The following TET3 variants were observed in gnomAD, a reference collection of about 807,000 sequenced individuals.
TET3 encodes the protein tet methylcytosine dioxygenase 3.
Under a neutral mutation model 141.4 loss-of-function variants are expected in TET3, and 19 were observed. The observed-to-expected ratio is 0.13, with a 90% CI of 0.09 to 0.20. The LOEUF (loss-of-function observed/expected upper bound fraction) is 0.20, where lower values mean the gene tolerates loss of function less well. TET3 is among the 10% of genes least tolerant of loss of function. The pLI is 1.00. For missense variants in TET3, 1,874 were observed against 2,356.9 expected, an observed-to-expected ratio of 0.80 and a Z score of 4.24; for synonymous variants, 1,043 against 980.9, an observed-to-expected ratio of 1.06 and a Z score of -1.18.
downstream of TET3, among the ~76,000 whole-genome samples, chr2:74,109,534 C>A (rs1307741846): frequency 6.6e-6 from 1 of 152,206 alleles, no homozygotes; most frequent in African/African-American, 2.4e-5. Context: ...AACTCTTTAA[C>A]ATCCCAAGTT....
At chr2:74,033,492 C>T (rs1347757253) in intron 3 of TET3, among the ~76,000 whole-genome samples, 2 of 152,122 alleles carry the variant, frequency 1.3e-5, no homozygotes, top group Non-Finnish European at 2.9e-5. Context: ...GTTTTATGTT[C>T]TTATTCCATA....
intron 6 of TET3, among the ~76,000 whole-genome samples, chr2:74,081,100 C>A (rs1020374139): frequency 6.6e-6 from 1 of 152,206 alleles, no homozygotes; most frequent in African/African-American, 2.4e-5. Flanking sequence ...GGCCAGGGCT[C>A]TGGGCAGCAC....
At chr2:74,035,473 A>G (rs1292512241) in intron 3 of TET3, among the ~76,000 whole-genome samples, 2 of 147,322 alleles carry the variant, frequency 1.4e-5, no homozygotes, top group African/African-American at 5.1e-5. Flanking sequence ...CAAAAAGAAA[A>G]AAAAAAATGT....
chr2:74,082,260 G>A (rs1689876879), intron 6 of TET3, among the ~76,000 whole-genome samples: 1 of 152,208 alleles, frequency 6.6e-6, no homozygotes, highest in African/African-American at 2.4e-5. Context: ...CAGGGCTCGT[G>A]TGGCCCCACT....
At chr2:74,070,821 A>T (rs1689163472) in intron 4 of TET3, among the ~76,000 whole-genome samples, 1 of 152,132 alleles carries the variant, frequency 6.6e-6, no homozygotes, top group Non-Finnish European at 1.5e-5. Context: ...AAAAAAATAG[A>T]AAAATTTGCC....
chr2:74,058,913 T>C (rs116795458), intron 4 of TET3, among the ~76,000 whole-genome samples: 150 of 152,332 alleles, frequency 9.8e-4, no homozygotes, highest in African/African-American at 3.4e-3. Flanking sequence ...CATGAAAATA[T>C]CAGAGTCTGT....
At chr2:74,024,879 G>C (rs1293214315) in intron 3 of TET3, among the ~76,000 whole-genome samples, 1 of 152,076 alleles carries the variant, frequency 6.6e-6, no homozygotes, top group East Asian at 1.9e-4. Context: ...TACTACATTT[G>C]CTTTATCCTT....
chr2:74,127,568 A>T, the TET3 span, among the ~76,000 whole-genome samples: 1 of 152,214 alleles, frequency 6.6e-6, no homozygotes, highest in South Asian at 2.1e-4. Flanking sequence ...ATCCTATATC[A>T]GATGATGAAC....
rs1573782118 is a variant in TET3 at position 74,047,620 on chromosome 2, C to T, written c.1703C>T (p.Pro568Leu). The change falls in exon 4 of 12, where the codon CCA becomes CTA. Residue 568 changes from proline (P) to leucine (L), a missense_variant. By Grantham distance (98) the Pro-to-Leu change is moderately conservative. This residue lies in a region of TET3 where 484 missense variants were observed against 462.2 expected (regional missense o/e 1.05). Transcript: ENST00000409262. Reference protein sequence around the residue: ...GWWPPPSSPVPRLPDRPPKEK... With the variant: ...GWWPPPSSPVLRLPDRPPKEK... ...TGGCCCCCACCAAGTTCACCTGTCC[C>T]ACGGCTTCCAGACAGACCACCCAAG... 1 of 1,613,698 alleles carries T rather than the reference C, an allele frequency of 6.2e-7. No individual in the cohort carries two copies. The highest frequency in any genetic ancestry group is 2.2e-5 in the East Asian group (1 of 44,858).
chr2:74,120,577 G>A, the TET3 span: 2 of 152,518 alleles, frequency 1.3e-5, no homozygotes, highest in African/African-American at 4.8e-5. Flanking sequence ...GGAGGGACCG[G>A]AAGGAGGAGC....
downstream of TET3, among the ~76,000 whole-genome samples, chr2:74,112,191 C>T (rs139681586): frequency 3.3e-5 from 5 of 152,182 alleles, no homozygotes; most frequent in African/African-American, 9.6e-5. Context: ...TGCCGCAGGG[C>T]CCCACAGGAC....
At chr2:74,080,096 T>C (rs1393918380) in intron 5 of TET3, among the ~76,000 whole-genome samples, 2 of 152,240 alleles carry the variant, frequency 1.3e-5, no homozygotes, top group Non-Finnish European at 2.9e-5. Context: ...GTTCCCCCAT[T>C]TATTTCATTT....
intron 3 of TET3, among the ~76,000 whole-genome samples, chr2:74,028,588 T>G (rs1484589482): frequency 6.6e-6 from 1 of 152,224 alleles, no homozygotes; most frequent in Non-Finnish European, 1.5e-5. Flanking sequence ...CTTAGTGTCT[T>G]CTCACTGTTT....
chr2:74,020,181 C>T (rs757611638), intron 3 of TET3, among the ~76,000 whole-genome samples: 66 of 152,218 alleles, frequency 4.3e-4, no homozygotes, highest in Non-Finnish European at 1.3e-4. Flanking sequence ...TTTACCATAG[C>T]GTTTGCATTT....
chr2:74,062,881 C>CT (rs10649388), intron 4 of TET3, among the ~76,000 whole-genome samples: 1,645 of 121,422 alleles, frequency 0.014, 45 homozygotes, highest in African/African-American at 0.019. Flanking sequence ...TCAGGTGAAA[C>CT]TTTTTTTTTT....
the TET3 span, chr2:74,135,092 G>A: frequency 4.8e-6 from 1 of 206,960 alleles, no homozygotes; most frequent in Admixed American, 5.3e-5. Flanking sequence ...AAAAGAACCC[G>A]GATCCTGGCA....
chr2:74,051,849 A>T (rs1349610490), intron 4 of TET3, among the ~76,000 whole-genome samples: 1 of 152,226 alleles, frequency 6.6e-6, no homozygotes, highest in Non-Finnish European at 1.5e-5. Flanking sequence ...TCATATTGTG[A>T]TTGAAATTGG....
At chr2:74,071,984 A>G (rs959748158) in intron 4 of TET3, among the ~76,000 whole-genome samples, 5 of 152,224 alleles carry the variant, frequency 3.3e-5, no homozygotes, top group Admixed American at 2.6e-4. Flanking sequence ...ATTCAGTGGC[A>G]TTTAGTACAT....
chr2:74,073,803 T>A, intron 5 of TET3, 164 bp downstream of exon 5: 1 of 536,630 alleles, frequency 1.9e-6, no homozygotes, highest in Non-Finnish European at 3.2e-6. Context: ...ACTTCCATTG[T>A]TTCTGGGTTT....
Sources: gnomAD v4.1 joint callset for allele counts (sites outside exome capture counted in the v4.1 genomes callset) on GRCh38, gnomAD v4.1.1 for gene constraint, gnomAD v4.1.1 regional missense constraint, MANE v1.5 for transcripts, NCBI Gene and HGNC (gene_info 2026-07-23, HGNC 2026-07-21) for gene names.